Variants in ESRRG observed in about 807,000 individuals in gnomAD.
The protein encoded by ESRRG is estrogen-related receptor gamma.
A neutral mutation model predicts 44.0 loss-of-function variants in ESRRG; 13 were observed. The observed-to-expected ratio is 0.30, with a 90% CI of 0.19 to 0.47. ESRRG has a LOEUF of 0.47. Among genes scored for constraint, ESRRG ranks in the 20% least tolerant of loss-of-function variants. The pLI is 1.00. For synonymous variants in ESRRG, 215 were observed against 214.6 expected (o/e 1.00, Z -0.02); for missense variants, 395 against 580.6 (o/e 0.68, Z 3.29).
intron 1 of ESRRG, among the ~76,000 whole-genome samples, chr1:217,039,386 G>A (rs1185366422): frequency 1.3e-5 from 2 of 152,292 alleles, no homozygotes; most frequent in South Asian, 2.1e-4. Context: ...AAAACAAAGA[G>A]GTTTATTAGA....
At chr1:216,725,471 A>T (rs561902775), upstream of ESRRG, among the ~76,000 whole-genome samples, 1 of 152,294 alleles carries the variant, frequency 6.6e-6, no homozygotes, top group Non-Finnish European at 1.5e-5. Context: ...AATCTAAAAT[A>T]AGACACGTAA....
upstream of ESRRG, chr1:216,723,434 A>G (rs1193878387): frequency 7.8e-6 from 6 of 767,496 alleles, no homozygotes; most frequent in Admixed American, 1.2e-4. Flanking sequence ...AAGCTCTCAC[A>G]CTCTCCTAAT....
chr1:216,886,949 G>A (rs2096525926), intron 2 of ESRRG, among the ~76,000 whole-genome samples: 1 of 151,986 alleles, frequency 6.6e-6, no homozygotes, highest in Admixed American at 6.6e-5. Flanking sequence ...TGTTGCCCAG[G>A]CTGGTCTCAA....
chr1:217,010,628 C>A (rs1016990539), intron 1 of ESRRG, among the ~76,000 whole-genome samples: 3 of 152,104 alleles, frequency 2.0e-5, no homozygotes, highest in African/African-American at 7.2e-5. Context: ...AAGAACTGAG[C>A]CTTGTCAGAG....
intron 1 of ESRRG, among the ~76,000 whole-genome samples, chr1:216,995,159 C>T (rs2076226612): frequency 6.6e-6 from 1 of 152,166 alleles, no homozygotes; most frequent in African/African-American, 2.4e-5. Flanking sequence ...CCCTGCCCCT[C>T]CTTCATCTCT....
intron 2 of ESRRG, among the ~76,000 whole-genome samples, chr1:216,824,446 A>G (rs2095356599): frequency 6.6e-6 from 1 of 151,988 alleles, no homozygotes; most frequent in African/African-American, 2.4e-5. Flanking sequence ...ACTCCCTCTC[A>G]AAAAATAAAA....
chr1:216,567,974 T>A lies in ESRRG; in HGVS notation c.700+14A>T. Reference sequence around the variant, plus strand: ...TTCGTGTTCTGGGAAGCCAGACACATCTGCTGTACTTACATGGCTTTTTGG... The same window carrying A: ...TTCGTGTTCTGGGAAGCCAGACACAACTGCTGTACTTACATGGCTTTTTGG... On this transcript the variant is annotated intron_variant, in intron 4 of 6. Transcript: ENST00000408911. 6.4e-7 allele frequency: 1 copy of A among 1,563,522 alleles called. No individual in the cohort carries two copies. Among genetic ancestry groups the A allele is most frequent in the Non-Finnish European group, 8.8e-7 (1 of 1,134,018 alleles).
intron 1 of ESRRG, among the ~76,000 whole-genome samples, chr1:216,722,528 C>A (rs1575759849): frequency 6.6e-6 from 1 of 151,744 alleles, no homozygotes; most frequent in Admixed American, 6.6e-5. Flanking sequence ...ACACAACAAA[C>A]GAGACAAATC....
intron 2 of ESRRG, among the ~76,000 whole-genome samples, chr1:216,919,405 A>G (rs778464048): frequency 5.8e-4 from 88 of 152,298 alleles, no homozygotes; most frequent in South Asian, 1.9e-3. Context: ...GAGAAACATC[A>G]TATTTCAAAG....
chr1:216,795,032 G>A (rs1015011695), intron 2 of ESRRG, among the ~76,000 whole-genome samples: 2 of 152,090 alleles, frequency 1.3e-5, no homozygotes, highest in African/African-American at 4.8e-5. Context: ...AATATTAAAA[G>A]AGAAAAGCAC....
At chr1:216,775,551 CTTTTTTTTTTTTTTTTTTTTT>C (rs71163765) in intron 2 of ESRRG, among the ~76,000 whole-genome samples, 1,900 of 74,826 alleles carry the variant, frequency 0.025, 90 homozygotes, top group African/African-American at 0.081. Flanking sequence ...AATGTCACAT[CTTTTTTTTTTTTTTTTTTTTT>C]TTTTTTTTTT....
chr1:216,541,153 G>A (rs191107019), intron 5 of ESRRG, among the ~76,000 whole-genome samples: 3 of 152,114 alleles, frequency 2.0e-5, no homozygotes, highest in African/African-American at 7.2e-5. Context: ...GTACAGCAAA[G>A]GAGGTAATTA....
rs375786689 is a variant in ESRRG, at chr1:216,810,804, C to G, written c.-14+128778G>C. Among the ~76,000 whole-genome samples the G allele has an allele frequency of 1.8e-4, 26 of 147,258 alleles. No homozygotes were observed. In the East Asian group the frequency reaches 3.3e-3, roughly 19 times the overall value. On this transcript the variant is annotated intron_variant, in intron 2 of 7. Coordinates refer to the ESRRG transcript ENST00000359162. Reference sequence around the variant, plus strand: ...ATGTATATTTAACTAATATATATAACTATGATATATATACATATATATAAC... The same window carrying G: ...ATGTATATTTAACTAATATATATAAGTATGATATATATACATATATATAAC...
intron 1 of ESRRG, among the ~76,000 whole-genome samples, chr1:217,055,754 AG>A (rs2086958933): frequency 1.4e-5 from 1 of 69,062 alleles, no homozygotes; most frequent in African/African-American, 3.8e-5. Context: ...AGGCCACCAG[AG>A]TCTCCTTTTC....
At chr1:216,604,216 T>C (rs2150196075) in intron 3 of ESRRG, among the ~76,000 whole-genome samples, 1 of 152,294 alleles carries the variant, frequency 6.6e-6, no homozygotes, top group Non-Finnish European at 1.5e-5. Flanking sequence ...GGATTGTAAC[T>C]ACAGGAAGCA....
chr1:216,582,954 A>G (rs2063075375), intron 3 of ESRRG, among the ~76,000 whole-genome samples: 2 of 152,176 alleles, frequency 1.3e-5, no homozygotes, highest in South Asian at 2.1e-4. Flanking sequence ...TAGAAAACCT[A>G]AAGTGGTGGG....
At chr1:216,685,482 G>A (rs1332370522) in intron 1 of ESRRG, among the ~76,000 whole-genome samples, 3 of 152,120 alleles carry the variant, frequency 2.0e-5, no homozygotes, top group African/African-American at 7.2e-5. Context: ...AGCAGTCAAG[G>A]AGCACACCAA....
chr1:216,945,360 T>A (rs896607790), intron 1 of ESRRG, among the ~76,000 whole-genome samples: 1 of 152,124 alleles, frequency 6.6e-6, no homozygotes, highest in Non-Finnish European at 1.5e-5. Context: ...TGTAACATGA[T>A]GCTTCCTTTG....
intron 5 of ESRRG, among the ~76,000 whole-genome samples, chr1:216,546,193 A>G (rs1329589244): frequency 6.6e-6 from 1 of 152,036 alleles, no homozygotes; most frequent in East Asian, 1.9e-4. Context: ...TGACTGTAAC[A>G]ATCAAAATAT....
Sources: gnomAD v4.1 joint callset for allele counts (sites outside exome capture counted in the v4.1 genomes callset) on GRCh38, gnomAD v4.1.1 for gene constraint, MANE v1.5 for transcripts, NCBI Gene and HGNC (gene_info 2026-07-23, HGNC 2026-07-21) for gene names.